FTO: variants seen among roughly 807,000 people sequenced by gnomAD.
The protein encoded by FTO is FTO alpha-ketoglutarate dependent dioxygenase, also known as alpha-ketoglutarate-dependent dioxygenase FTO.
Under a neutral mutation model 63.9 loss-of-function variants are expected in FTO, and 47 were observed. That is an observed-to-expected ratio of 0.74 (90% CI 0.58 to 0.94). The LOEUF is 0.94. FTO is among the 40% of genes least tolerant of loss of function. The probability of loss-of-function intolerance (pLI) is 0.00; values close to 1 mark genes in which losing one functional copy is unlikely to be tolerated. For synonymous variants in FTO, 207 were observed against 224.4 expected, an observed-to-expected ratio of 0.92 and a Z score of 0.69; for missense variants, 562 against 618.1, an observed-to-expected ratio of 0.91 and a Z score of 0.96.
chr16:53,852,200 C>T (rs1007847682), intron 4 of FTO, among the ~76,000 whole-genome samples: 12 of 150,578 alleles, frequency 8.0e-5, no homozygotes, highest in Non-Finnish European at 1.8e-4. Context: ...CAGCTGAGCT[C>T]GGGAGGTTGA....
chr16:53,714,043 C>G (rs1353013027), intron 1 of FTO, among the ~76,000 whole-genome samples: 1 of 152,160 alleles, frequency 6.6e-6, no homozygotes, highest in Non-Finnish European at 1.5e-5. Context: ...GATAACCATG[C>G]CTCCCCTTAT....
At chr16:53,891,934 A>G (rs533732537) in intron 7 of FTO, among the ~76,000 whole-genome samples, 29 of 152,284 alleles carry the variant, frequency 1.9e-4, no homozygotes, top group African/African-American at 6.7e-4. Context: ...GAGGGAGATC[A>G]GTGGCCTCAG....
chr16:53,864,319 C>T lies in FTO; in HGVS notation c.896-9467C>T, dbSNP rs185730807. Among the ~76,000 whole-genome samples the T allele has an allele frequency of 2.6e-4, 40 of 152,226 alleles. No individual in the cohort carries two copies. In the East Asian group the frequency reaches 4.8e-3, roughly 18 times the overall value. On this transcript the variant is annotated intron_variant, in intron 4 of 8. Coordinates refer to ENST00000471389, the MANE Select transcript of FTO (RefSeq NM_001080432.3). ...TGGGTGAAATGGCCCTGGTAATGTA[C>T]GTGACAGCAAACCCAAGGAAGTAAG...
chr16:53,920,640 G>A (rs555018601), intron 7 of FTO, among the ~76,000 whole-genome samples: 23 of 152,194 alleles, frequency 1.5e-4, no homozygotes, highest in African/African-American at 4.3e-4. Context: ...TATGGAACGC[G>A]TCCCTTGTGA....
At chr16:53,809,036 G>A (rs1368630539) in intron 1 of FTO, among the ~76,000 whole-genome samples, 1 of 152,158 alleles carries the variant, frequency 6.6e-6, no homozygotes, top group Non-Finnish European at 1.5e-5. Context: ...TGTAAGGTCA[G>A]ATATTCTTTG....
intron 8 of FTO, among the ~76,000 whole-genome samples, chr16:54,079,651 A>G (rs576308942): frequency 2.1e-4 from 32 of 152,314 alleles, no homozygotes; most frequent in Non-Finnish European, 4.0e-4. Context: ...TTATAGCCCA[A>G]TAGACCGAAT....
chr16:54,017,053 A>T (rs1411723646), intron 8 of FTO, among the ~76,000 whole-genome samples: 1 of 152,194 alleles, frequency 6.6e-6, no homozygotes, highest in Admixed American at 6.5e-5. Flanking sequence ...AGGGATTTTG[A>T]TGATGCAGTA....
chr16:53,789,765 T>TACAC (rs1412951780), intron 1 of FTO, among the ~76,000 whole-genome samples: 23 of 143,044 alleles, frequency 1.6e-4, no homozygotes, highest in African/African-American at 6.8e-4. Context: ...TATATATATA[T>TACAC]ATACACACAC....
chr16:53,961,106 G>T (rs569169265), intron 8 of FTO, among the ~76,000 whole-genome samples: 3 of 151,598 alleles, frequency 2.0e-5, no homozygotes, highest in African/African-American at 7.3e-5. Context: ...CCAACCTGAC[G>T]CCAGTGTAAA....
intron 8 of FTO, among the ~76,000 whole-genome samples, chr16:54,037,636 T>G (rs2084971914): frequency 6.6e-6 from 1 of 152,220 alleles, no homozygotes; most frequent in Admixed American, 6.5e-5. Context: ...CCTAGACGTG[T>G]TTCAATTATA....
At chr16:53,739,973 A>G (rs9933611) in intron 1 of FTO, among the ~76,000 whole-genome samples, 4,897 of 152,312 alleles carry the variant, frequency 0.032, 120 homozygotes, top group Middle Eastern at 0.096. Flanking sequence ...TAGAAGTACC[A>G]CGAGGCAAAC....
At chr16:53,715,643 A>G (rs1249008432) in intron 1 of FTO, among the ~76,000 whole-genome samples, 3 of 152,192 alleles carry the variant, frequency 2.0e-5, no homozygotes, top group African/African-American at 7.2e-5. Context: ...TCTTGTGAGA[A>G]ATGACTACAG....
At chr16:53,998,891 T>C (rs550209800) in intron 8 of FTO, 1 of 152,330 alleles carries the variant, frequency 6.6e-6, no homozygotes, top group South Asian at 2.1e-4. Context: ...TCCCCATGTA[T>C]GTAACTTCTT....
At chr16:53,995,297 A>G (rs2083908477) in intron 8 of FTO, among the ~76,000 whole-genome samples, 1 of 152,272 alleles carries the variant, frequency 6.6e-6, no homozygotes, top group Non-Finnish European at 1.5e-5. Context: ...TAACTAGCCA[A>G]TGAATGAATG....
chr16:53,773,093 AT>A (rs10718688), intron 1 of FTO, among the ~76,000 whole-genome samples: 86,910 of 136,936 alleles, frequency 0.63, 27,464 homozygotes, highest in African/African-American at 0.86. Flanking sequence ...TTATTTATTT[AT>A]TTTTTTTTTT....
chr16:53,721,837 T>C, intron 1 of FTO, among the ~76,000 whole-genome samples: 1 of 152,282 alleles, frequency 6.6e-6, no homozygotes, highest in East Asian at 1.9e-4. Context: ...TCTGACCCCA[T>C]ATTTTTTTTA....
chr16:53,934,096 G>C lies in FTO; in HGVS notation c.1351G>C (p.Glu451Gln), dbSNP rs1399267613. Residue 451 changes from glutamate (E) to glutamine (Q), a missense_variant, in exon 8 of 9, where the codon GAA (glutamate) becomes CAA (glutamine). Coordinates refer to ENST00000471389, the MANE Select transcript of FTO (RefSeq NM_001080432.3). ...CACTGCACGCCAGAACCTGAGGAGAGAATGGCATGCCAGGTTAGTTCTGTT... is the reference window on the plus strand; with the variant it reads ...CACTGCACGCCAGAACCTGAGGAGACAATGGCATGCCAGGTTAGTTCTGTT... ...SLTARQNLRR[E>Q]WHARCQSRIA... The C allele has an allele frequency of 6.2e-7, 1 of 1,614,194 alleles. No individual in the cohort carries two copies. The highest frequency in any genetic ancestry group is 2.2e-5 in the East Asian group (1 of 44,888).
At chr16:53,785,874 C>T (rs1014275436) in intron 1 of FTO, among the ~76,000 whole-genome samples, 6 of 149,490 alleles carry the variant, frequency 4.0e-5, no homozygotes, top group Non-Finnish European at 7.4e-5. Flanking sequence ...TCCGCCGCTG[C>T]ACTCCAGCCT....
At chr16:53,722,951 AAG>A (rs2076075545) in intron 1 of FTO, among the ~76,000 whole-genome samples, 2 of 152,184 alleles carry the variant, frequency 1.3e-5, no homozygotes, top group Non-Finnish European at 2.9e-5. Flanking sequence ...TGTTTTTTAA[AAG>A]AGTTATGTCT....
Sources: gnomAD v4.1 joint callset for allele counts (sites outside exome capture counted in the v4.1 genomes callset) on GRCh38, gnomAD v4.1.1 for gene constraint, MANE v1.5 for transcripts, NCBI Gene and HGNC (gene_info 2026-07-23, HGNC 2026-07-21) for gene names.